POLR3K: variants seen among roughly 807,000 people sequenced by gnomAD.
POLR3K encodes the protein DNA-directed RNA polymerase III subunit RPC10.
Under a neutral mutation model 13.5 loss-of-function variants are expected in POLR3K, and 11 were observed. That is an observed-to-expected ratio of 0.81 (90% CI 0.51 to 1.35). POLR3K has a LOEUF of 1.35. Ranked by LOEUF, POLR3K falls within the 40% of genes most tolerant of loss-of-function variation. The pLI is 0.00. For missense variants in POLR3K, 144 were observed against 145.3 expected (o/e 0.99, Z 0.05); for synonymous variants, 56 against 51.5 (o/e 1.09, Z -0.38).
intron 2 of POLR3K, among the ~76,000 whole-genome samples, chr16:49,038 G>A (rs1359138786): frequency 6.6e-6 from 1 of 151,966 alleles, no homozygotes; most frequent in African/African-American, 2.4e-5. Context: ...TGTAATCCCA[G>A]CTACTAGGGA....
chr16:50,975 C>T (rs1897326036), intron 2 of POLR3K, among the ~76,000 whole-genome samples: 1 of 152,202 alleles, frequency 6.6e-6, no homozygotes, highest in Non-Finnish European at 1.5e-5. Flanking sequence ...ACGATCTGAT[C>T]TTGTGAGAAC....
In POLR3K at chr16:53,592, C is replaced by G. The variant is rs375083401; in HGVS notation, c.-6G>C. On this transcript the variant is annotated 5_prime_UTR_variant, in exon 1 of 3. Transcript: ENST00000293860. ...CCGGGGCAGAACAGCAGCATGGTCT[C>G]GAACTCCGCAGGCTCCAACTCCCGG... 2.2e-5 allele frequency: 35 copies of G among 1,607,766 alleles called. No homozygotes were observed. In the East Asian group the frequency reaches 5.6e-4, roughly 26 times the overall value.
chr16:49,552 C>A (rs575245497), intron 2 of POLR3K, among the ~76,000 whole-genome samples: 100 of 151,790 alleles, frequency 6.6e-4, no homozygotes, highest in African/African-American at 2.3e-3. Flanking sequence ...CTCACTGCAA[C>A]CTCCGCCTCC....
rs1367742395 is a variant in POLR3K at position 46,591 on chromosome 16, G to C, written c.*839C>G. 1 of 152,084 alleles carries C rather than the reference G, an allele frequency of 6.6e-6. No homozygotes were observed. Among genetic ancestry groups the C allele is most frequent in the Non-Finnish European group, 1.5e-5 (1 of 68,034 alleles). The allele number at this position is 152,084 out of a possible 1,614,324, so 9.4% of individuals were successfully genotyped here. Reference sequence around the variant, plus strand: ...AATGCAAAATTACCCAGGTGTGGTGGTGCATGCCTGTAGTCCCAGCTGCTT... The same window carrying C: ...AATGCAAAATTACCCAGGTGTGGTGCTGCATGCCTGTAGTCCCAGCTGCTT... On this transcript the variant is annotated 3_prime_UTR_variant, in exon 3 of 3. Coordinates refer to ENST00000293860, the MANE Select transcript of POLR3K (RefSeq NM_016310.5).
intron 2 of POLR3K, among the ~76,000 whole-genome samples, chr16:49,623 C>T (rs192845741): frequency 1.1e-3 from 172 of 151,022 alleles, no homozygotes; most frequent in African/African-American, 4.0e-3. Flanking sequence ...GCACGCGCCA[C>T]TGAGCCTGGC....
At chr16:50,701 T>C (rs1897323821) in intron 2 of POLR3K, among the ~76,000 whole-genome samples, 2 of 152,060 alleles carry the variant, frequency 1.3e-5, no homozygotes, top group African/African-American at 4.8e-5. Flanking sequence ...TATTTTATCT[T>C]TAATAGAGAC....
Position 47,351 on chromosome 16 carries a change from C to T in POLR3K, c.*79G>A. On this transcript the variant is annotated 3_prime_UTR_variant, in exon 3 of 3. Coordinates refer to ENST00000293860, the MANE Select transcript of POLR3K (RefSeq NM_016310.5). ...CACACTAGCAAAGACCCTCAGGACA[C>T]ACAACTCATACTGCCAGCTAAGCAT... The T allele has an allele frequency of 1.3e-6, 2 of 1,537,450 alleles. No individual in the cohort carries two copies. The highest frequency in any genetic ancestry group is 1.8e-6 in the Non-Finnish European group (2 of 1,130,808).
chr16:47,522 A>C lies in POLR3K; in HGVS notation c.235T>G (p.Phe79Val). ...CPKCEHPRAY[F>V]MQLQTRSADE... ...GCAGAGCGGGTCTGAAGCTGCATGA[A>C]GTAAGCACGAGGATGTTCGCATTTG... Residue 79 changes from phenylalanine to valine, a missense_variant, in exon 3 of 3, where the codon TTC becomes GTC. Coordinates refer to ENST00000293860, the MANE Select transcript of POLR3K (RefSeq NM_016310.5). 6.2e-7 allele frequency: 1 copy of C among 1,613,256 alleles called. No individual in the cohort carries two copies. Among genetic ancestry groups the C allele is most frequent in the Non-Finnish European group, 8.5e-7 (1 of 1,179,424 alleles).
intron 1 of POLR3K, 173 bp downstream of exon 1, chr16:53,303 G>A: frequency 7.9e-7 from 1 of 1,271,118 alleles, no homozygotes; most frequent in Non-Finnish European, 1.0e-6. Flanking sequence ...AAACGGTGGG[G>A]CTTTCTGAGT....
chr16:53,156 G>A (rs1402378364), intron 1 of POLR3K: 3 of 308,482 alleles, frequency 9.7e-6, no homozygotes, highest in Non-Finnish European at 1.8e-5. Context: ...CTTTTCGTCT[G>A]CGTGAGCTGG....
rs946489081 is a variant in POLR3K, at chr16:52,765, C to CAAAAAAAAAAAAAAAAAAA, written c.111+692_111+710dup. On this transcript the variant is annotated intron_variant, in intron 1 of 2. Coordinates refer to ENST00000293860, the MANE Select transcript of POLR3K (RefSeq NM_016310.5). ...TGGGCGACAGAGCGGGACTCCGTCT[C>CAAAAAAAAAAAAAAAAAAA]AAAAAAAAAAAAAAAAAAAAAAAAA... Among the ~76,000 whole-genome samples the CAAAAAAAAAAAAAAAAAAA allele has an allele frequency of 2.1e-4, 7 of 33,596 alleles. 1 individual carries two copies. Among genetic ancestry groups the CAAAAAAAAAAAAAAAAAAA allele is most frequent in the Non-Finnish European group, 4.3e-4 (7 of 16,368 alleles). The allele number at this position is 33,596 out of a possible 152,430, so 22.0% of individuals were successfully genotyped here.
Position 53,589 on chromosome 16 carries a change from T to A in POLR3K, c.-3A>T. On this transcript the variant is annotated 5_prime_UTR_variant, in exon 1 of 3. Coordinates refer to ENST00000293860, the MANE Select transcript of POLR3K (RefSeq NM_016310.5). ...CAGCCGGGGCAGAACAGCAGCATGG[T>A]CTCGAACTCCGCAGGCTCCAACTCC... 1 of 1,608,826 alleles carries A rather than the reference T, an allele frequency of 6.2e-7. No homozygotes were observed. The highest frequency in any genetic ancestry group is 8.5e-7 in the Non-Finnish European group (1 of 1,177,900).
At chr16:50,716 T>G (rs965084541) in intron 2 of POLR3K, among the ~76,000 whole-genome samples, 1 of 151,846 alleles carries the variant, frequency 6.6e-6, no homozygotes. Flanking sequence ...AGAGACAGGG[T>G]TTCACCATGC....
chr16:52,774 A>T (rs1435660808), intron 1 of POLR3K, among the ~76,000 whole-genome samples: 2 of 62,878 alleles, frequency 3.2e-5, no homozygotes, highest in Non-Finnish European at 6.4e-5. Context: ...TCAAAAAAAA[A>T]AAAAAAAAAA....
At chr16:51,391 C>A (rs1162675418) in intron 2 of POLR3K, among the ~76,000 whole-genome samples, 167 bp downstream of exon 2, 2 of 152,202 alleles carry the variant, frequency 1.3e-5, no homozygotes, top group Non-Finnish European at 2.9e-5. Flanking sequence ...TATTGCTTGT[C>A]TGACAGATTA....
chr16:52,717 G>T (rs990682025), intron 1 of POLR3K, among the ~76,000 whole-genome samples: 3 of 136,406 alleles, frequency 2.2e-5, no homozygotes, highest in Non-Finnish European at 4.6e-5. Flanking sequence ...AGTGAGCCGA[G>T]ATCGCGCCAC....
In POLR3K at chr16:46,766, G is replaced by A. The variant is rs1362365689; in HGVS notation, c.*664C>T. The A allele has an allele frequency of 6.6e-6, 1 of 150,922 alleles. No homozygotes were observed. The highest frequency in any genetic ancestry group is 1.5e-5 in the Non-Finnish European group (1 of 67,780). The allele number at this position is 150,922 out of a possible 1,614,324, so 9.3% of individuals were successfully genotyped here. On this transcript the variant is annotated 3_prime_UTR_variant, in exon 3 of 3. Transcript: ENST00000293860. The stretch of plus-strand genomic sequence containing the variant: ...AATAAAATAAATAAATAAATAAATA[G>A]TATCTTATACATTTAAAGCAACCCG...
intron 2 of POLR3K, among the ~76,000 whole-genome samples, chr16:50,726 C>T (rs1025889498): frequency 5.3e-5 from 8 of 151,926 alleles, no homozygotes; most frequent in South Asian, 2.1e-4. Context: ...TTTCACCATG[C>T]GGGCCAGGCT....
chr16:47,257 C>A lies in POLR3K; in HGVS notation c.*173G>T, dbSNP rs1305914473. On this transcript the variant is annotated 3_prime_UTR_variant, in exon 3 of 3. Coordinates refer to ENST00000293860, the MANE Select transcript of POLR3K (RefSeq NM_016310.5). ...TCCCAGACATTCATGACTTCATCCA[C>A]CCTGCCTGGCAGATAGGCCATATTT... 2.7e-6 allele frequency: 2 copies of A among 737,184 alleles called. No individual in the cohort carries two copies. Among genetic ancestry groups the A allele is most frequent in the Non-Finnish European group, 4.0e-6 (2 of 497,936 alleles). 45.7% of individuals were successfully genotyped at this position (737,184 alleles called of 1,614,324 possible). A position where few individuals can be genotyped will look rare whatever the true frequency, so the allele number is the denominator to read the frequency against.
Sources: gnomAD v4.1 joint callset for allele counts (sites outside exome capture counted in the v4.1 genomes callset) on GRCh38, gnomAD v4.1.1 for gene constraint, MANE v1.5 for transcripts, NCBI Gene and HGNC (gene_info 2026-07-23, HGNC 2026-07-21) for gene names.